NCOA2: variants seen among roughly 807,000 people sequenced by gnomAD.
The protein encoded by NCOA2 is class E basic helix-loop-helix protein 75.
NCOA2 carries 21 observed loss-of-function variants against 145.1 expected under a neutral mutation model. The ratio of observed to expected loss-of-function variants is 0.14; its 90% CI spans 0.10 to 0.21. NCOA2 has a LOEUF of 0.21. NCOA2 is among the 10% of genes least tolerant of loss of function. The pLI, the probability that NCOA2 is intolerant of heterozygous loss-of-function variation, is 1.00. For synonymous variants in NCOA2, 619 were observed against 637.5 expected (o/e 0.97, Z 0.44); for missense variants, 1,472 against 1,837.6 (o/e 0.80, Z 3.64).
At chr8:70,245,680 A>T (rs1301806599) in intron 2 of NCOA2, among the ~76,000 whole-genome samples, 1 of 152,054 alleles carries the variant, frequency 6.6e-6, no homozygotes, top group Non-Finnish European at 1.5e-5. Flanking sequence ...AAAAATATAT[A>T]CCCTAAAATG....
Position 70,128,722 on chromosome 8 carries a change from G to A in NCOA2, c.3583C>T (p.His1195Tyr). ...CAGACCTGCTGTGCTTGGAGGCGAT[G>A]CTGAAGTTGAAGTCTTAGTTGATTT... ...QPNQLRLQLQHRLQAQQNRQP... is the reference protein window; with the variant it reads ...QPNQLRLQLQYRLQAQQNRQP... Residue 1195 changes from histidine (H) to tyrosine (Y), a missense_variant, in exon 17 of 23, where the codon CAT (histidine) becomes TAT (tyrosine). This residue lies in a region of NCOA2 where 953 missense variants were observed against 1,062.1 expected (regional missense o/e 0.90). Transcript: ENST00000452400. The A allele has an allele frequency of 6.2e-7, 1 of 1,613,798 alleles. No individual in the cohort carries two copies. Among genetic ancestry groups the A allele is most frequent in the Non-Finnish European group, 8.5e-7 (1 of 1,179,878 alleles).
chr8:70,451,808 C>T, the NCOA2 span, among the ~76,000 whole-genome samples: 1 of 152,130 alleles, frequency 6.6e-6, no homozygotes, highest in Non-Finnish European at 1.5e-5. Context: ...ATTCTCTGAG[C>T]AAGTATTAAC....
At chr8:70,150,542 A>G (rs1271475794) in intron 11 of NCOA2, among the ~76,000 whole-genome samples, 1 of 152,198 alleles carries the variant, frequency 6.6e-6, no homozygotes, top group Non-Finnish European at 1.5e-5. Context: ...TCACTCCACT[A>G]CGGCAGGTAT....
chr8:70,291,054 T>G (rs545290694), intron 2 of NCOA2, among the ~76,000 whole-genome samples: 143 of 152,372 alleles, frequency 9.4e-4, no homozygotes, highest in African/African-American at 3.3e-3. Flanking sequence ...TGTGAAATTC[T>G]ACTTGTCACA....
intron 4 of NCOA2, among the ~76,000 whole-genome samples, chr8:70,181,032 C>A (rs1815417316): frequency 6.6e-6 from 1 of 152,178 alleles, no homozygotes; most frequent in Non-Finnish European, 1.5e-5. Flanking sequence ...TCTGAAGTAT[C>A]ATTTATTAAT....
At chr8:70,207,964 T>A (rs1818635431) in intron 4 of NCOA2, among the ~76,000 whole-genome samples, 1 of 148,496 alleles carries the variant, frequency 6.7e-6, no homozygotes, top group South Asian at 2.1e-4. Context: ...AATAAAAAAG[T>A]GAAACAGCTG....
chr8:70,345,526 C>G (rs1270050900), intron 1 of NCOA2, among the ~76,000 whole-genome samples: 1 of 152,114 alleles, frequency 6.6e-6, no homozygotes, highest in Admixed American at 6.5e-5. Context: ...TTCCAAGTAC[C>G]TTGTAAAATC....
intron 2 of NCOA2, among the ~76,000 whole-genome samples, chr8:70,290,630 G>A (rs1826600414): frequency 6.6e-6 from 1 of 152,026 alleles, no homozygotes; most frequent in Admixed American, 6.6e-5. Context: ...ATTATACTGA[G>A]TCTCAAGCTA....
At chr8:70,251,934 C>T (rs1823217897) in intron 2 of NCOA2, among the ~76,000 whole-genome samples, 1 of 152,146 alleles carries the variant, frequency 6.6e-6, no homozygotes, top group Admixed American at 6.5e-5. Flanking sequence ...CAGGACCTCC[C>T]ATGGATACTC....
the NCOA2 span, among the ~76,000 whole-genome samples, chr8:70,418,936 T>A: frequency 6.6e-6 from 1 of 152,184 alleles, no homozygotes; most frequent in Non-Finnish European, 1.5e-5. Context: ...GTTATAAACA[T>A]AATACCAGCA....
intron 4 of NCOA2, among the ~76,000 whole-genome samples, chr8:70,198,152 G>T (rs1388113181): frequency 6.6e-6 from 1 of 152,080 alleles, no homozygotes; most frequent in African/African-American, 2.4e-5. Flanking sequence ...GTACAAGACA[G>T]GTAAAAGGGT....
At chr8:70,314,986 TA>T (rs1805477343) in intron 1 of NCOA2, among the ~76,000 whole-genome samples, 1 of 152,232 alleles carries the variant, frequency 6.6e-6, no homozygotes, top group African/African-American at 2.4e-5. Context: ...TTGAGTGTCC[TA>T]AATCTCCAAC....
chr8:70,287,923 C>G (rs16936881), intron 2 of NCOA2, among the ~76,000 whole-genome samples: 36,082 of 151,826 alleles, frequency 0.24, 5,362 homozygotes, highest in East Asian at 0.57. Context: ...TGGCTTTCTC[C>G]GTCTTTTGCT....
At chr8:70,145,367 G>A (rs959971639) in intron 12 of NCOA2, among the ~76,000 whole-genome samples, 9 of 143,520 alleles carry the variant, frequency 6.3e-5, no homozygotes, top group East Asian at 2.1e-4. Context: ...GCTCTGTTGC[G>A]AGGCTGGAGT....
chr8:70,116,217 T>C (rs1326456372), intron 22 of NCOA2, among the ~76,000 whole-genome samples: 1 of 133,334 alleles, frequency 7.5e-6, no homozygotes, highest in African/African-American at 3.0e-5. Context: ...AGGATGACAG[T>C]AGTATCTTGT....
At chr8:70,361,443 C>G (rs191765227) in intron 1 of NCOA2, among the ~76,000 whole-genome samples, 1 of 151,146 alleles carries the variant, frequency 6.6e-6, no homozygotes, top group Non-Finnish European at 1.5e-5. Flanking sequence ...GCACTCCAGT[C>G]TGAGCAACAA....
At chr8:70,234,864 C>A (rs2134299826) in intron 2 of NCOA2, among the ~76,000 whole-genome samples, 1 of 152,296 alleles carries the variant, frequency 6.6e-6, no homozygotes, top group East Asian at 1.9e-4. Flanking sequence ...ATGGATCCTC[C>A]AGATTAAGAA....
intron 1 of NCOA2, among the ~76,000 whole-genome samples, chr8:70,335,975 A>AT (rs954478011): frequency 3.3e-5 from 5 of 152,018 alleles, no homozygotes; most frequent in Non-Finnish European, 5.9e-5. Context: ...TGTCTGAAAC[A>AT]TTTTTTTTAA....
Position 70,353,345 on chromosome 8 carries a change from G to A in NCOA2, c.-77+50355C>T, listed in dbSNP as rs118051410. 8.4e-3 allele frequency among the ~76,000 whole-genome samples: 1,269 copies of A among 150,684 alleles called. 6 individuals carry two copies. The highest frequency in any genetic ancestry group is 0.014 in the Non-Finnish European group (974 of 67,744). On this transcript the variant is annotated intron_variant, in intron 1 of 22. Coordinates refer to ENST00000452400, the MANE Select transcript of NCOA2 (RefSeq NM_006540.4). ...GCTCAATGAAGGCTCAACTTCCCAG[G>A]CTCAAATGATCTTCCCACCTCAGCC... is the stretch of plus-strand genomic sequence containing the variant.
Sources: gnomAD v4.1 joint callset for allele counts (sites outside exome capture counted in the v4.1 genomes callset) on GRCh38, gnomAD v4.1.1 for gene constraint, gnomAD v4.1.1 regional missense constraint, MANE v1.5 for transcripts, NCBI Gene and HGNC (gene_info 2026-07-23, HGNC 2026-07-21) for gene names.